AP1S3: variants seen among roughly 807,000 people sequenced by gnomAD.
AP1S3 encodes AP-1 complex subunit sigma-3.
Under a neutral mutation model 20.9 loss-of-function variants are expected in AP1S3, and 10 were observed. The observed-to-expected ratio is 0.48, with a 90% CI of 0.29 to 0.81. The LOEUF (loss-of-function observed/expected upper bound fraction) is 0.81. Among genes scored for constraint, AP1S3 ranks in the 30% least tolerant of loss-of-function variants. The pLI is 0.08. For synonymous variants in AP1S3, 41 were observed against 61.5 expected (o/e 0.67, Z 1.56); for missense variants, 154 against 183.8 (o/e 0.84, Z 0.94).
Position 223,758,131 on chromosome 2 carries a change from T to TA in AP1S3, c.*583dup. 1.0e-6 allele frequency: 1 copy of TA among 964,212 alleles called. No individual in the cohort carries two copies. Among genetic ancestry groups the TA allele is most frequent in the Non-Finnish European group, 1.2e-6 (1 of 816,906 alleles). The allele number at this position is 964,212 out of a possible 1,614,324, so 59.7% of individuals were successfully genotyped here. ...GTTCTATACTCTTTGGTTATTTTCA[T>TA]AATCCCAATTCTAAAAAAAATAAAT... is the stretch of plus-strand genomic sequence containing the variant. On this transcript the variant is annotated 3_prime_UTR_variant, in exon 5 of 5. Transcript: ENST00000396654.
chr2:223,805,806 T>C (rs925877642), intron 1 of AP1S3, among the ~76,000 whole-genome samples: 105 of 152,364 alleles, frequency 6.9e-4, no homozygotes, highest in African/African-American at 2.5e-3. Context: ...CCATGTATTA[T>C]ACATAATTAT....
chr2:223,770,388 G>T, intron 3 of AP1S3: 4 of 1,543,114 alleles, frequency 2.6e-6, no homozygotes, highest in South Asian at 1.2e-5. Flanking sequence ...ACCCCACTTT[G>T]ACACGTCCCC....
At chr2:223,803,600 A>G (rs989578880) in intron 1 of AP1S3, among the ~76,000 whole-genome samples, 6 of 152,126 alleles carry the variant, frequency 3.9e-5, no homozygotes, top group Non-Finnish European at 5.9e-5. Flanking sequence ...TGAAGTCACT[A>G]AAACAAGGCA....
At position 223,756,710 on chromosome 2, in the gene AP1S3, A is replaced by G. The variant is rs138901027; in HGVS notation, c.*2005T>C. 8.8e-4 allele frequency: 865 copies of G among 985,394 alleles called. 4 individuals carry two copies. The African/African-American group carries it at 0.013, about 15-fold the overall frequency. The allele number at this position is 985,394 out of a possible 1,614,324, so 61.0% of individuals were successfully genotyped here. A position where few individuals can be genotyped will look rare whatever the true frequency, so the allele number is the denominator to read the frequency against. On this transcript the variant is annotated 3_prime_UTR_variant, in exon 5 of 5. Transcript: ENST00000396654. ...CAATGGTTATATTGAGGAATTGGTG[A>G]ATTTTTCCCTTTGTTCTCCTGCTTG...
intron 1 of AP1S3, among the ~76,000 whole-genome samples, chr2:223,812,215 T>A (rs1691748510): frequency 6.6e-6 from 1 of 152,136 alleles, no homozygotes. Context: ...TTTTGTTTGT[T>A]TGTTTTTTGT....
At chr2:223,834,961 T>C (rs528342142) in intron 1 of AP1S3, among the ~76,000 whole-genome samples, 2 of 151,916 alleles carry the variant, frequency 1.3e-5, no homozygotes, top group South Asian at 4.2e-4. Context: ...GTGTTCAATC[T>C]GTTGTACTAT....
Position 223,837,499 on chromosome 2 carries a change from G to A in AP1S3, c.-49C>T, listed in dbSNP as rs1692435858. On this transcript the variant is annotated 5_prime_UTR_variant, in exon 1 of 5. Coordinates refer to ENST00000396654, the MANE Select transcript of AP1S3 (RefSeq NM_001039569.2). ...CGCCTTGCGAGCAAGGAGCGCTGGA[G>A]AAGCGAGGGCGAGAGGCGAGCGCTG... 1 of 1,259,180 alleles carries A rather than the reference G, an allele frequency of 7.9e-7. No homozygotes were observed. Among genetic ancestry groups the A allele is most frequent in the Admixed American group, 3.6e-5 (1 of 27,634 alleles). The allele number at this position is 1,259,180 out of a possible 1,614,324, so 78.0% of individuals were successfully genotyped here. A position where few individuals can be genotyped will look rare whatever the true frequency, so the allele number is the denominator to read the frequency against.
At chr2:223,789,878 G>T (rs1691172324) in intron 1 of AP1S3, among the ~76,000 whole-genome samples, 1 of 149,980 alleles carries the variant, frequency 6.7e-6, no homozygotes, top group Non-Finnish European at 1.5e-5. Flanking sequence ...AAACAAGAAG[G>T]TGTAATGATA....
At chr2:223,760,353 G>A (rs1459880209) in intron 4 of AP1S3, among the ~76,000 whole-genome samples, 1 of 152,184 alleles carries the variant, frequency 6.6e-6, no homozygotes, top group Non-Finnish European at 1.5e-5. Flanking sequence ...AAGATACCAA[G>A]GCTACTGGCC....
intron 1 of AP1S3, among the ~76,000 whole-genome samples, chr2:223,817,437 C>T (rs764079411): frequency 5.9e-5 from 9 of 151,784 alleles, no homozygotes; most frequent in African/African-American, 9.7e-5. Context: ...GGAGAAACCC[C>T]GTCTCTACTA....
intron 1 of AP1S3, among the ~76,000 whole-genome samples, chr2:223,795,410 T>C (rs1224541729): frequency 2.6e-5 from 4 of 152,246 alleles, no homozygotes; most frequent in African/African-American, 9.6e-5. Context: ...AGGATGAAGA[T>C]TCACTGACAT....
At chr2:223,768,362 C>G (rs1265577388) in intron 3 of AP1S3, among the ~76,000 whole-genome samples, 1 of 152,152 alleles carries the variant, frequency 6.6e-6, no homozygotes, top group Non-Finnish European at 1.5e-5. Flanking sequence ...CCCCTTTTCC[C>G]CATTCAGATT....
At chr2:223,832,804 T>C (rs1692306091) in intron 1 of AP1S3, among the ~76,000 whole-genome samples, 1 of 124,746 alleles carries the variant, frequency 8.0e-6, no homozygotes, top group Non-Finnish European at 1.7e-5. Flanking sequence ...TTTTTTCTTT[T>C]TTCTTTTTTT....
chr2:223,836,294 C>T (rs768593423), intron 1 of AP1S3, among the ~76,000 whole-genome samples: 3 of 152,186 alleles, frequency 2.0e-5, no homozygotes, highest in Non-Finnish European at 4.4e-5. Flanking sequence ...CCCTAAACAG[C>T]AGGCAAGAGC....
intron 1 of AP1S3, among the ~76,000 whole-genome samples, chr2:223,828,565 A>G (rs1463657460): frequency 6.6e-6 from 1 of 152,198 alleles, no homozygotes; most frequent in Non-Finnish European, 1.5e-5. Context: ...AGATGACTCA[A>G]GAATGCTTAA....
intron 1 of AP1S3, among the ~76,000 whole-genome samples, chr2:223,824,197 T>C (rs1040965074): frequency 6.6e-6 from 1 of 151,570 alleles, no homozygotes; most frequent in Admixed American, 6.6e-5. Flanking sequence ...AAGATGGGGT[T>C]TTGCCATATT....
rs529498764 is a variant in AP1S3, at chr2:223,758,523, A to AT, written c.*191dup. On this transcript the variant is annotated 3_prime_UTR_variant, in exon 5 of 5. Coordinates refer to ENST00000396654, the MANE Select transcript of AP1S3 (RefSeq NM_001039569.2). The stretch of plus-strand genomic sequence containing the variant: ...CTATACAGTATAACACAGACACATA[A>AT]TTTTTTTTAATAATACAGACACATA... 38 of 1,294,124 alleles carry AT rather than the reference A, an allele frequency of 2.9e-5. No homozygotes were observed. The highest frequency in any genetic ancestry group is 3.3e-5 in the Non-Finnish European group (34 of 1,022,434). The allele number at this position is 1,294,124 out of a possible 1,614,324, so 80.2% of individuals were successfully genotyped here.
At chr2:223,813,688 T>G (rs2106120342) in intron 1 of AP1S3, among the ~76,000 whole-genome samples, 1 of 152,266 alleles carries the variant, frequency 6.6e-6, no homozygotes, top group Non-Finnish European at 1.5e-5. Flanking sequence ...TCATAAGACA[T>G]TTTCTAAAAG....
chr2:223,781,641 T>C (rs1559281424), intron 1 of AP1S3, among the ~76,000 whole-genome samples: 3 of 152,156 alleles, frequency 2.0e-5, no homozygotes, highest in South Asian at 2.1e-4. Flanking sequence ...CTGAGAATTC[T>C]ATTCAGAAGG....
Sources: gnomAD v4.1 joint callset for allele counts (sites outside exome capture counted in the v4.1 genomes callset) on GRCh38, gnomAD v4.1.1 for gene constraint, MANE v1.5 for transcripts, NCBI Gene and HGNC (gene_info 2026-07-23, HGNC 2026-07-21) for gene names.